BROX: variants seen among roughly 807,000 people sequenced by gnomAD.
The protein encoded by BROX is BRO1 domain and CAAX motif containing, also known as BRO1 domain-containing protein BROX.
BROX carries 53 observed loss-of-function variants against 61.0 expected under a neutral mutation model. That is an observed-to-expected ratio of 0.87 (90% CI 0.70 to 1.09). The LOEUF is 1.09. BROX is among the 50% of genes least tolerant of loss of function. The pLI is 0.00. For synonymous variants in BROX, 152 were observed against 160.2 expected (o/e 0.95, Z 0.38); for missense variants, 489 against 472.0 (o/e 1.04, Z -0.33).
At chr1:222,729,498 G>A (rs1035609425) in intron 9 of BROX, 122 bp from the exon 10 acceptor site, 1 of 604,908 alleles carries the variant, frequency 1.7e-6, no homozygotes, top group Non-Finnish European at 2.8e-6. Context: ...GAGCTAAAAT[G>A]TAAGGGATTG....
Position 222,734,852 on chromosome 1 carries a change from A to C in BROX, c.*2138A>C, listed in dbSNP as rs988046285. Reference sequence around the variant, plus strand: ...CTACCATATACGAAATGGAAAATGTAATATGCTCAGTGCTTCTGTAAAATG... The same window carrying C: ...CTACCATATACGAAATGGAAAATGTCATATGCTCAGTGCTTCTGTAAAATG... On this transcript the variant is annotated 3_prime_UTR_variant, in exon 13 of 13. Transcript: ENST00000340934. 5 of 152,258 alleles carry C rather than the reference A, an allele frequency of 3.3e-5. No homozygotes were observed. The highest frequency in any genetic ancestry group is 5.9e-5 in the Non-Finnish European group (4 of 68,042). 9.4% of individuals were successfully genotyped at this position (152,258 alleles called of 1,614,324 possible).
At position 222,718,993 on chromosome 1, in the gene BROX, T is replaced by A. The variant is rs568430174; in HGVS notation, c.170T>A (p.Met57Lys). Residue 57 changes from methionine to lysine, a missense_variant, in exon 3 of 13, where the codon ATG (methionine) becomes AAG (lysine). Met to Lys is a moderately conservative substitution (Grantham distance 95). Transcript: ENST00000340934. ...FTDLSCNPEM[M>K]KNAADSYFSL... ...GATTTGAGCTGTAATCCAGAAATGA[T>A]GAAGAATGCAGCAGATTCATATTTC... is the stretch of plus-strand genomic sequence containing the variant. 1 of 1,613,854 alleles carries A rather than the reference T, an allele frequency of 6.2e-7. No homozygotes were observed. The highest frequency in any genetic ancestry group is 1.1e-5 in the South Asian group (1 of 91,054).
At chr1:222,713,912 G>C (rs2124984339) in intron 1 of BROX, 1 of 152,254 alleles carries the variant, frequency 6.6e-6, no homozygotes, top group South Asian at 2.1e-4. Flanking sequence ...GGTACACACT[G>C]TATTCTCTAT....
intron 6 of BROX, among the ~76,000 whole-genome samples, chr1:222,725,212 T>A (rs2125025434): frequency 6.6e-6 from 1 of 152,366 alleles, no homozygotes; most frequent in South Asian, 2.1e-4. Context: ...CAGCAGTCTA[T>A]CATGACTTAA....
intron 7 of BROX, among the ~76,000 whole-genome samples, chr1:222,726,298 G>A (rs79758503): frequency 0.013 from 1,927 of 152,306 alleles, 45 homozygotes; most frequent in African/African-American, 0.043. Flanking sequence ...TGGGCTGGTG[G>A]CTTATGCCTG....
At chr1:222,716,087 T>TTTTA (rs112213714) in intron 2 of BROX, among the ~76,000 whole-genome samples, 4,204 of 152,000 alleles carry the variant, frequency 0.028, 190 homozygotes, top group African/African-American at 0.091. Flanking sequence ...CATTTTTATT[T>TTTTA]TTTATTTTTA....
chr1:222,733,063 C>CTTTTTTTTTTTCTTT lies in BROX; in HGVS notation c.*360_*361insCTTTTTTTTTTTTTT, dbSNP rs1658058998. ...AGGTATGTTTTTCTTTTTTCTTTTT[C>CTTTTTTTTTTTCTTT]TTTTTTTTTTTTCTTTTTTTTTTTT... On this transcript the variant is annotated 3_prime_UTR_variant, in exon 13 of 13. Coordinates refer to ENST00000340934, the MANE Select transcript of BROX (RefSeq NM_144695.4). The CTTTTTTTTTTTCTTT allele has an allele frequency of 7.6e-5, 8 of 104,876 alleles. No homozygotes were observed. The highest frequency in any genetic ancestry group is 1.8e-4 in the African/African-American group (5 of 27,240). 6.5% of individuals were successfully genotyped at this position (104,876 alleles called of 1,614,324 possible).
intron 4 of BROX, among the ~76,000 whole-genome samples, chr1:222,722,055 C>T (rs778009482): frequency 1.3e-5 from 2 of 152,150 alleles, no homozygotes; most frequent in Non-Finnish European, 2.9e-5. Flanking sequence ...AGAGCCACAC[C>T]TTTGAGAATC....
rs1656133686 is a variant in BROX at position 222,712,607 on chromosome 1, G to T, written c.-352G>T. On this transcript the variant is annotated 5_prime_UTR_variant, in exon 1 of 13. Transcript: ENST00000340934. ...ATCGCTATTGCGGCATTCTCCCTCG[G>T]CTCCGGAGGTAGGGGCAACTCTTCT... The T allele has an allele frequency of 3.0e-6, 4 of 1,346,794 alleles. No individual in the cohort carries two copies. The South Asian group carries it at 4.2e-5, about 14-fold the overall frequency. The allele number at this position is 1,346,794 out of a possible 1,614,324, so 83.4% of individuals were successfully genotyped here.
In BROX at chr1:222,723,954, G is replaced by A. The variant is rs112265011; in HGVS notation, c.402-138G>A. On this transcript the variant is annotated intron_variant, in intron 5 of 12. Transcript: ENST00000340934. ...GATTACAGGCCTGGCCTCAAAATTAGATTTATTTTTAAAAGGAAGAAAATT... is the reference window on the plus strand; with the variant it reads ...GATTACAGGCCTGGCCTCAAAATTAAATTTATTTTTAAAAGGAAGAAAATT... 361 of 656,352 alleles carry A rather than the reference G, an allele frequency of 5.5e-4. 2 individuals are homozygous for A. In the African/African-American group the frequency reaches 5.7e-3, roughly 10 times the overall value. The allele number at this position is 656,352 out of a possible 1,614,324, so 40.7% of individuals were successfully genotyped here. A position where few individuals can be genotyped will look rare whatever the true frequency, so the allele number is the denominator to read the frequency against.
At chr1:222,729,297 T>G (rs1368205311) in intron 9 of BROX, among the ~76,000 whole-genome samples, 1 of 152,166 alleles carries the variant, frequency 6.6e-6, no homozygotes, top group Non-Finnish European at 1.5e-5. Context: ...CTTTTTCAGG[T>G]CTGAGTAGAT....
Position 222,729,617 on chromosome 1 carries a change from C to T in BROX, c.757-3C>T, listed in dbSNP as rs1179999940. 6.2e-7 allele frequency: 1 copy of T among 1,606,338 alleles called. No individual in the cohort carries two copies. Among genetic ancestry groups the T allele is most frequent in the Non-Finnish European group, 8.5e-7 (1 of 1,174,482 alleles). ...TGAATAAAAAATTTGTTTATTTCAT[C>T]AGGCTTACTGTTACCATGGTGAGAC... On this transcript the variant is annotated splice_region_variant and splice_polypyrimidine_tract_variant and intron_variant, in intron 9 of 12. Coordinates refer to ENST00000340934, the MANE Select transcript of BROX (RefSeq NM_144695.4).
rs867695542 is a variant in BROX at position 222,722,337 on chromosome 1, T to G, written c.306-82T>G. On this transcript the variant is annotated intron_variant, in intron 4 of 12. Coordinates refer to ENST00000340934, the MANE Select transcript of BROX (RefSeq NM_144695.4). ...CCAGTTAGCATATACTTCTTTGTAA[T>G]TTTGAGTCGGATATCCAGTAGGCTT... The G allele has an allele frequency of 5.2e-6, 6 of 1,155,580 alleles. 1 individual carries two copies. Among genetic ancestry groups the G allele is most frequent in the South Asian group, 5.1e-5 (4 of 77,968 alleles). 71.6% of individuals were successfully genotyped at this position (1,155,580 alleles called of 1,614,324 possible).
rs923197483 is a variant in BROX, at chr1:222,712,949, A to G, written c.-17+7A>G. On this transcript the variant is annotated splice_region_variant and intron_variant, in intron 1 of 12. Coordinates refer to ENST00000340934, the MANE Select transcript of BROX (RefSeq NM_144695.4). ...ACCGACTCTGAGAAATTTGGTAAGT[A>G]TGTCAGAGGATGGGTGTTTCTCAGT... 1.1e-5 allele frequency: 13 copies of G among 1,185,640 alleles called. No homozygotes were observed. In the Admixed American group the frequency reaches 1.4e-4, roughly 12 times the overall value. The allele number at this position is 1,185,640 out of a possible 1,614,324, so 73.4% of individuals were successfully genotyped here. A position where few individuals can be genotyped will look rare whatever the true frequency, so the allele number is the denominator to read the frequency against.
intron 4 of BROX, 133 bp from the exon 5 acceptor site, chr1:222,722,286 A>T (rs1657158012): frequency 2.7e-6 from 2 of 729,302 alleles, no homozygotes; most frequent in Non-Finnish European, 4.7e-6. Context: ...CATCTATATT[A>T]AACACAACCA....
In BROX at chr1:222,715,753, T is replaced by G; in HGVS notation, c.54T>G (p.Phe18Leu). Residue 18 changes from phenylalanine (F) to leucine (L), a missense_variant, in exon 2 of 13, where the codon TTT becomes TTG. Coordinates refer to ENST00000340934, the MANE Select transcript of BROX (RefSeq NM_144695.4). Reference sequence around the variant, plus strand: ...TAAAAGCCACAGCTCCTGTGTCTTTTAATTACTATGGTGTAGTCACTGGCC... The same window carrying G: ...TAAAAGCCACAGCTCCTGTGTCTTTGAATTACTATGGTGTAGTCACTGGCC... The part of the protein sequence containing the change: ...NPLKATAPVS[F>L]NYYGVVTGPS... The G allele has an allele frequency of 6.3e-7, 1 of 1,597,652 alleles. No individual in the cohort carries two copies. The highest frequency in any genetic ancestry group is 8.5e-7 in the Non-Finnish European group (1 of 1,170,736).
Position 222,724,541 on chromosome 1 carries a change from G to A in BROX, c.474+377G>A, listed in dbSNP as rs370997868. 3.1e-4 allele frequency among the ~76,000 whole-genome samples: 47 copies of A among 152,278 alleles called. No homozygotes were observed. The South Asian group carries it at 6.2e-3, about 20-fold the overall frequency. On this transcript the variant is annotated intron_variant, in intron 6 of 12. Transcript: ENST00000340934. The stretch of plus-strand genomic sequence containing the variant: ...ATTCTGCAAAACTGAACTTCTGAGT[G>A]TATGCTCTGTATCTCACTAAAAACT...
chr1:222,729,630 A>G lies in BROX; in HGVS notation c.767A>G (p.Tyr256Cys). The G allele has an allele frequency of 1.9e-6, 3 of 1,612,872 alleles. No homozygotes were observed. The highest frequency in any genetic ancestry group is 2.5e-6 in the Non-Finnish European group (3 of 1,179,108). The change falls in exon 10 of 13, where the codon TAC (tyrosine) becomes TGC (cysteine). Residue 256 changes from tyrosine to cysteine, a missense_variant. Coordinates refer to ENST00000340934, the MANE Select transcript of BROX (RefSeq NM_144695.4). Reference protein sequence around the residue: ...MCFYTAYAYCYHGETLLASDK... With the variant: ...MCFYTAYAYCCHGETLLASDK... The stretch of plus-strand genomic sequence containing the variant: ...TGTTTATTTCATCAGGCTTACTGTT[A>G]CCATGGTGAGACTTTATTGGCTAGT...
At chr1:222,713,385 G>C (rs1286217624) in intron 1 of BROX, 52 of 985,466 alleles carry the variant, frequency 5.3e-5, no homozygotes, top group Non-Finnish European at 6.3e-5. Flanking sequence ...TAAACAGGAA[G>C]TGGGCGCTCA....
Sources: allele counts gnomAD v4.1 joint callset (sites outside exome capture counted in the v4.1 genomes callset), GRCh38; gene constraint gnomAD v4.1.1; transcripts MANE v1.5; gene names NCBI Gene and HGNC (gene_info 2026-07-23, HGNC 2026-07-21).